Variants in NDST4 observed in about 807,000 individuals in gnomAD.
The protein encoded by NDST4 is N-heparan sulfate sulfotransferase 4.
In NDST4, 63 loss-of-function variants were observed where a neutral mutation model predicts 100.8. That is an observed-to-expected ratio of 0.62 (90% CI 0.51 to 0.77). The LOEUF (loss-of-function observed/expected upper bound fraction) is 0.77, where lower values mean the gene tolerates loss of function less well. NDST4 is among the 30% of genes least tolerant of loss of function. The probability of loss-of-function intolerance (pLI) is 0.00; values close to 1 mark genes in which losing one functional copy is unlikely to be tolerated. For missense variants in NDST4, 943 were observed against 1,018.4 expected, an observed-to-expected ratio of 0.93 and a Z score of 1.01; for synonymous variants, 377 against 361.8, an observed-to-expected ratio of 1.04 and a Z score of -0.48.
At chr4:115,028,845 C>A (rs766035606) in intron 2 of NDST4, among the ~76,000 whole-genome samples, 1 of 151,954 alleles carries the variant, frequency 6.6e-6, no homozygotes, top group South Asian at 2.1e-4. Flanking sequence ...AGGAAGCATG[C>A]CACATTAAAA....
In NDST4 at chr4:114,867,665, C is replaced by CAAA; in HGVS notation, c.1719+3100_1719+3102dup. On this transcript the variant is annotated intron_variant, in intron 7 of 13. Coordinates refer to ENST00000264363, the MANE Select transcript of NDST4 (RefSeq NM_022569.3). ...GAATTATAAAAAAAAAAAAAAAAAGCAAAAAAAAAAAAAAAAAGAAAGAAA... is the reference window on the plus strand; with the variant it reads ...GAATTATAAAAAAAAAAAAAAAAAGCAAAAAAAAAAAAAAAAAAAAGAAAGAAA... Among the ~76,000 whole-genome samples, 217 of 79,876 alleles carry CAAA rather than the reference C, an allele frequency of 2.7e-3. 5 individuals carry two copies. Among genetic ancestry groups the CAAA allele is most frequent in the African/African-American group, 8.2e-3 (168 of 20,388 alleles). The allele number at this position is 79,876 out of a possible 152,430, so 52.4% of individuals were successfully genotyped here.
At chr4:115,054,092 G>A (rs906389359) in intron 2 of NDST4, among the ~76,000 whole-genome samples, 4 of 151,654 alleles carry the variant, frequency 2.6e-5, no homozygotes, top group African/African-American at 7.2e-5. Flanking sequence ...GATTATTAAA[G>A]TTTTAAAATT....
intron 6 of NDST4, among the ~76,000 whole-genome samples, chr4:114,872,164 G>A (rs1246506577): frequency 1.3e-5 from 2 of 151,938 alleles, no homozygotes; most frequent in African/African-American, 4.8e-5. Context: ...ACTATATGCA[G>A]ACCTTCTGTT....
chr4:115,005,490 A>T (rs1727393559), intron 2 of NDST4, among the ~76,000 whole-genome samples: 1 of 152,146 alleles, frequency 6.6e-6, no homozygotes, highest in Non-Finnish European at 1.5e-5. Flanking sequence ...TGTCTGAGGT[A>T]GTAGAGGAAG....
At chr4:115,042,949 T>C (rs1164650021) in intron 2 of NDST4, among the ~76,000 whole-genome samples, 1 of 152,090 alleles carries the variant, frequency 6.6e-6, no homozygotes, top group East Asian at 1.9e-4. Flanking sequence ...GCATATGTTG[T>C]GCCTGACAGA....
intron 2 of NDST4, among the ~76,000 whole-genome samples, chr4:115,028,387 G>T (rs988562646): frequency 6.6e-6 from 1 of 152,086 alleles, no homozygotes; most frequent in South Asian, 2.1e-4. Flanking sequence ...TGCCCGGAAA[G>T]AAATATGTGT....
intron 2 of NDST4, among the ~76,000 whole-genome samples, chr4:115,037,355 T>C (rs1728254733): frequency 6.6e-6 from 1 of 152,120 alleles, no homozygotes; most frequent in South Asian, 2.1e-4. Flanking sequence ...ATTGCTACTT[T>C]GAGTTGGCAT....
intron 4 of NDST4, among the ~76,000 whole-genome samples, chr4:114,945,022 C>T (rs559758512): frequency 3.6e-4 from 54 of 151,742 alleles, no homozygotes; most frequent in South Asian, 1.0e-3. Flanking sequence ...CCAGCCTAAC[C>T]GACATGGAGA....
chr4:115,043,076 A>G (rs1728388127), intron 2 of NDST4, among the ~76,000 whole-genome samples: 1 of 152,088 alleles, frequency 6.6e-6, no homozygotes, highest in South Asian at 2.1e-4. Flanking sequence ...TGCTGCTTAC[A>G]TATGAAAAAC....
At chr4:115,042,740 C>A (rs1031874481) in intron 2 of NDST4, among the ~76,000 whole-genome samples, 17 of 152,040 alleles carry the variant, frequency 1.1e-4, no homozygotes, top group Non-Finnish European at 2.1e-4. Context: ...TCATTATATA[C>A]TAGGCATCTT....
At chr4:115,041,996 T>C (rs1333578471) in intron 2 of NDST4, among the ~76,000 whole-genome samples, 3 of 152,134 alleles carry the variant, frequency 2.0e-5, no homozygotes, top group Non-Finnish European at 4.4e-5. Context: ...GCTGAAGACA[T>C]AATGATTTAC....
intron 6 of NDST4, among the ~76,000 whole-genome samples, chr4:114,903,329 A>C (rs1724885831): frequency 6.6e-6 from 1 of 152,118 alleles, no homozygotes; most frequent in African/African-American, 2.4e-5. Context: ...AAGATAGCAG[A>C]GAGAATTATT....
At chr4:114,928,006 AC>A (rs1560816535) in intron 6 of NDST4, among the ~76,000 whole-genome samples, 2 of 152,150 alleles carry the variant, frequency 1.3e-5, no homozygotes, top group African/African-American at 4.8e-5. Context: ...TTCCCCCGGG[AC>A]TTTGATACCT....
chr4:115,088,749 C>T (rs1729456876), intron 1 of NDST4, among the ~76,000 whole-genome samples: 1 of 151,976 alleles, frequency 6.6e-6, no homozygotes, highest in African/African-American at 2.4e-5. Context: ...TATTCCTGCA[C>T]TTTATGTGTT....
At position 115,076,676 on chromosome 4, in the gene NDST4, T is replaced by C. The variant is rs1472185978; in HGVS notation, c.361A>G (p.Thr121Ala). The part of the protein sequence containing the change: ...APGKGDIPPL[T>A]DNGKGKYTLV... Reference sequence around the variant, plus strand: ...GTATATTTCCCTTTGCCATTATCTGTAAGAGGAGGTATATCTCCCTTTCCA... The same window carrying C: ...GTATATTTCCCTTTGCCATTATCTGCAAGAGGAGGTATATCTCCCTTTCCA... Residue 121 changes from threonine to alanine, a missense_variant, in exon 2 of 14, where the codon ACA becomes GCA. Thr to Ala is a moderately conservative substitution (Grantham distance 58). This residue lies in a region of NDST4 where 417 missense variants were observed against 384.2 expected (regional missense o/e 1.09). Coordinates refer to ENST00000264363, the MANE Select transcript of NDST4 (RefSeq NM_022569.3). 1 of 1,613,874 alleles carries C rather than the reference T, an allele frequency of 6.2e-7. No individual in the cohort carries two copies. The highest frequency in any genetic ancestry group is 1.7e-5 in the Admixed American group (1 of 59,984).
chr4:115,066,108 T>G (rs1728939815), intron 2 of NDST4, among the ~76,000 whole-genome samples: 1 of 152,206 alleles, frequency 6.6e-6, no homozygotes, highest in Non-Finnish European at 1.5e-5. Context: ...CATTCTGCCT[T>G]GTAATGCAGA....
At chr4:114,881,189 G>T (rs1724359623) in intron 6 of NDST4, among the ~76,000 whole-genome samples, 1 of 152,106 alleles carries the variant, frequency 6.6e-6, no homozygotes, top group South Asian at 2.1e-4. Context: ...TTATGAAGAA[G>T]AGTGAAGACT....
intron 2 of NDST4, among the ~76,000 whole-genome samples, chr4:115,021,501 GTTCCACATATACACATTCCATATA>G (rs1727821271): frequency 7.3e-6 from 1 of 137,592 alleles, no homozygotes; most frequent in African/African-American, 2.7e-5. Flanking sequence ...ATATACACAC[GTTCCACATATACACATTCCATATA>G]TACACACGTT....
intron 7 of NDST4, among the ~76,000 whole-genome samples, chr4:114,865,377 A>T (rs1724006209): frequency 6.6e-6 from 1 of 152,114 alleles, no homozygotes; most frequent in African/African-American, 2.4e-5. Flanking sequence ...CTATTTTTAA[A>T]CTAATGACTG....
Sources: gnomAD v4.1 joint callset for allele counts (sites outside exome capture counted in the v4.1 genomes callset) on GRCh38, gnomAD v4.1.1 for gene constraint, gnomAD v4.1.1 regional missense constraint, MANE v1.5 for transcripts, NCBI Gene and HGNC (gene_info 2026-07-23, HGNC 2026-07-21) for gene names.